PLEKHA5: variants seen among roughly 807,000 people sequenced by gnomAD.
The protein encoded by PLEKHA5 is pleckstrin homology domain containing A5.
PLEKHA5 carries 55 observed loss-of-function variants against 181.9 expected under a neutral mutation model. That is an observed-to-expected ratio of 0.30 (90% CI 0.24 to 0.38). The LOEUF is 0.38. PLEKHA5 is among the 10% of genes least tolerant of loss of function. The pLI is 1.00. For missense variants in PLEKHA5, 1,432 were observed against 1,549.5 expected (o/e 0.92, Z 1.27); for synonymous variants, 535 against 529.4 (o/e 1.01, Z -0.15).
intron 26 of PLEKHA5, among the ~76,000 whole-genome samples, chr12:19,357,633 T>C (rs2095023074): frequency 6.6e-6 from 1 of 151,980 alleles, no homozygotes. Context: ...GTTTGTTTGT[T>C]TGTTTGTTTG....
intron 3 of PLEKHA5, among the ~76,000 whole-genome samples, chr12:19,136,358 G>C (rs1023579469): frequency 3.3e-5 from 5 of 152,052 alleles, no homozygotes; most frequent in African/African-American, 1.2e-4. Flanking sequence ...CTTAATTTAT[G>C]CTGTTATCTT....
At chr12:19,178,909 A>G (rs949817114) in intron 3 of PLEKHA5, among the ~76,000 whole-genome samples, 20 of 152,336 alleles carry the variant, frequency 1.3e-4, no homozygotes, top group Middle Eastern at 3.4e-3. Context: ...TGGATATATC[A>G]GTCTAATTTG....
At chr12:19,174,715 G>A (rs1021127668) in intron 3 of PLEKHA5, among the ~76,000 whole-genome samples, 2 of 152,102 alleles carry the variant, frequency 1.3e-5, no homozygotes, top group African/African-American at 4.8e-5. Context: ...TTTACCCTAA[G>A]CCTTTTATTA....
chr12:19,302,305 A>T (rs976347438), intron 15 of PLEKHA5, among the ~76,000 whole-genome samples: 1 of 152,208 alleles, frequency 6.6e-6, no homozygotes, highest in East Asian at 1.9e-4. Context: ...GTTCAAGAAA[A>T]AGGAACTATT....
intron 15 of PLEKHA5, among the ~76,000 whole-genome samples, chr12:19,297,026 C>G (rs948475599): frequency 6.6e-6 from 1 of 151,976 alleles, no homozygotes; most frequent in Non-Finnish European, 1.5e-5. Context: ...ACCTTCCTGC[C>G]AGATTTTCAA....
At chr12:19,316,055 T>C (rs1311747885) in intron 16 of PLEKHA5, among the ~76,000 whole-genome samples, 2 of 152,114 alleles carry the variant, frequency 1.3e-5, no homozygotes, top group East Asian at 3.9e-4. Context: ...ATTATAGACC[T>C]TGGTACTCTA....
At chr12:19,245,113 A>G (rs766744537) in intron 3 of PLEKHA5, among the ~76,000 whole-genome samples, 2 of 152,218 alleles carry the variant, frequency 1.3e-5, no homozygotes, top group Non-Finnish European at 2.9e-5. Context: ...TTCAGGTTAA[A>G]TTACCCTTTT....
intron 15 of PLEKHA5, among the ~76,000 whole-genome samples, chr12:19,308,992 G>T (rs2085306827): frequency 6.6e-6 from 1 of 151,880 alleles, no homozygotes; most frequent in South Asian, 2.1e-4. Context: ...AACCCAGGAG[G>T]CAGAGTTTGC....
At chr12:19,160,164 T>C (rs2042643583) in intron 3 of PLEKHA5, among the ~76,000 whole-genome samples, 1 of 152,128 alleles carries the variant, frequency 6.6e-6, no homozygotes, top group African/African-American at 2.4e-5. Context: ...AGTTTTTTCT[T>C]TTATTTCTCT....
At chr12:19,227,855 T>C in intron 3 of PLEKHA5, among the ~76,000 whole-genome samples, 1 of 152,190 alleles carries the variant, frequency 6.6e-6, no homozygotes, top group Non-Finnish European at 1.5e-5. Context: ...CAAAAACCTT[T>C]ATAAGAGAAC....
At chr12:19,154,503 T>C (rs550100883) in intron 3 of PLEKHA5, 350 of 152,302 alleles carry the variant, frequency 2.3e-3, no homozygotes, top group African/African-American at 8.0e-3. Context: ...GAAACTGGAA[T>C]AGATTTCAGT....
intron 15 of PLEKHA5, among the ~76,000 whole-genome samples, chr12:19,300,685 G>T (rs1004047591): frequency 2.0e-5 from 3 of 152,186 alleles, no homozygotes; most frequent in African/African-American, 7.2e-5. Context: ...TTCTAAAATT[G>T]ACCTAAAGGT....
intron 3 of PLEKHA5, among the ~76,000 whole-genome samples, chr12:19,189,550 G>T (rs1222661655): frequency 6.6e-6 from 1 of 152,118 alleles, no homozygotes; most frequent in Admixed American, 6.5e-5. Flanking sequence ...GGGAGGAGTT[G>T]TGGATTGAAG....
At chr12:19,129,969 G>A in intron 1 of PLEKHA5, 81 bp downstream of exon 1, 2 of 1,460,120 alleles carry the variant, frequency 1.4e-6, no homozygotes, top group Non-Finnish European at 1.9e-6. Context: ...GGGAGAGCCC[G>A]GGTCTGTGCT....
intron 3 of PLEKHA5, among the ~76,000 whole-genome samples, chr12:19,155,855 A>G (rs1451014448): frequency 6.6e-6 from 1 of 152,196 alleles, no homozygotes; most frequent in Non-Finnish European, 1.5e-5. Context: ...CCTAGAAATA[A>G]CTTATATCAC....
intron 3 of PLEKHA5, among the ~76,000 whole-genome samples, chr12:19,147,796 G>C (rs1057150027): frequency 6.6e-6 from 1 of 152,128 alleles, no homozygotes; most frequent in Non-Finnish European, 1.5e-5. Context: ...GAGTGCAGTG[G>C]CATGATCAGA....
At chr12:19,300,341 A>C (rs2081128937) in intron 15 of PLEKHA5, among the ~76,000 whole-genome samples, 1 of 152,344 alleles carries the variant, frequency 6.6e-6, no homozygotes, top group South Asian at 2.1e-4. Flanking sequence ...TGGCTCTAAC[A>C]AGACAGCAAA....
intron 3 of PLEKHA5, among the ~76,000 whole-genome samples, chr12:19,167,869 G>A (rs1050784969): frequency 1.3e-5 from 2 of 152,086 alleles, no homozygotes; most frequent in African/African-American, 4.8e-5. Context: ...TTGTCATTGG[G>A]TGGCTGGAGG....
chr12:19,184,925 A>C (rs1295958232), intron 3 of PLEKHA5, among the ~76,000 whole-genome samples: 4 of 152,318 alleles, frequency 2.6e-5, no homozygotes, highest in Non-Finnish European at 5.9e-5. Flanking sequence ...ACAAAACAGT[A>C]CTTCAAGAAG....
Sources: gnomAD v4.1 joint callset for allele counts (sites outside exome capture counted in the v4.1 genomes callset) on GRCh38, gnomAD v4.1.1 for gene constraint, MANE v1.5 for transcripts, NCBI Gene and HGNC (gene_info 2026-07-23, HGNC 2026-07-21) for gene names.